Variants in TM9SF2 observed in about 807,000 individuals in gnomAD.
TM9SF2 encodes transmembrane 9 superfamily member 2.
TM9SF2 carries 13 observed loss-of-function variants against 84.9 expected under a neutral mutation model. The observed-to-expected ratio is 0.15, with a 90% CI of 0.10 to 0.24. The LOEUF is 0.24. TM9SF2 is among the 10% of genes least tolerant of loss of function. The probability of loss-of-function intolerance (pLI) is 1.00; values close to 1 mark genes in which losing one functional copy is unlikely to be tolerated. For missense variants in TM9SF2, 562 were observed against 818.5 expected, an observed-to-expected ratio of 0.69 and a Z score of 3.82; for synonymous variants, 273 against 285.8, an observed-to-expected ratio of 0.96 and a Z score of 0.45.
At chr13:99,557,531 G>T (rs76335594) in intron 15 of TM9SF2, among the ~76,000 whole-genome samples, 3,767 of 152,110 alleles carry the variant, frequency 0.025, 162 homozygotes, top group African/African-American at 0.086. Flanking sequence ...GAGGTCAAAT[G>T]TATCTGTTTT....
At chr13:99,541,811 G>A (rs1467941881) in intron 9 of TM9SF2, 144 bp downstream of exon 9, 2 of 525,178 alleles carry the variant, frequency 3.8e-6, no homozygotes, top group African/African-American at 4.0e-5. Flanking sequence ...CTTCTCAAAA[G>A]TTATCTTGAA....
rs377511474 is a variant in TM9SF2, at chr13:99,520,055, T to A, written c.259T>A (p.Ser87Thr). The part of the protein sequence containing the change: ...EYTAFDFCQA[S>T]EGKRPSENLG... ...TCCCAGGTTTGATTTTTGCCAAGCA[T>A]CAGAAGGAAAGCGCCCATCTGAAAA... Residue 87 changes from serine to threonine, a missense_variant, in exon 3 of 17, where the codon TCA becomes ACA. This residue lies in a region of TM9SF2 where 267 missense variants were observed against 316.7 expected (regional missense o/e 0.84). Transcript: ENST00000376387. The A allele has an allele frequency of 6.2e-7, 1 of 1,613,626 alleles. No homozygotes were observed. The highest frequency in any genetic ancestry group is 1.3e-5 in the African/African-American group (1 of 74,904).
At chr13:99,546,920 CTA>C in intron 10 of TM9SF2, 63 bp from the exon 11 acceptor site, 1 of 1,596,146 alleles carries the variant, frequency 6.3e-7, no homozygotes, top group South Asian at 1.1e-5. Context: ...GAGGGTTTCT[CTA>C]TCATTTCACA....
chr13:99,527,861 G>A (rs946678711), intron 3 of TM9SF2, among the ~76,000 whole-genome samples: 5 of 152,174 alleles, frequency 3.3e-5, no homozygotes, highest in East Asian at 3.8e-4. Context: ...CAGTTACTGC[G>A]CCCATTTTAC....
chr13:99,501,543 C>T lies in TM9SF2; in HGVS notation c.-64C>T, dbSNP rs2046065055. ...GGCGGCCTTGTAGTCGTCTCCGAGA[C>T]TCCCCACCCCTCCTTCCCTCTTGAC... On this transcript the variant is annotated 5_prime_UTR_variant, in exon 1 of 17. Coordinates refer to ENST00000376387, the MANE Select transcript of TM9SF2 (RefSeq NM_004800.3). 6.4e-7 allele frequency: 1 copy of T among 1,557,976 alleles called. No homozygotes were observed. Among genetic ancestry groups the T allele is most frequent in the Non-Finnish European group, 8.7e-7 (1 of 1,151,208 alleles).
chr13:99,546,500 T>C lies in TM9SF2; in HGVS notation c.1151-485T>C, dbSNP rs2046283185. 2.6e-5 allele frequency among the ~76,000 whole-genome samples: 4 copies of C among 152,122 alleles called. No homozygotes were observed. The South Asian group carries it at 8.3e-4, about 31-fold the overall frequency. The stretch of plus-strand genomic sequence containing the variant: ...AAAGCTAATGGCCGTATGAAATCTT[T>C]CTCCCTCATTTTGTTCTTTCATTAG... On this transcript the variant is annotated intron_variant, in intron 10 of 16. Transcript: ENST00000376387.
At chr13:99,507,154 T>C (rs2046092131) in intron 1 of TM9SF2, among the ~76,000 whole-genome samples, 1 of 152,214 alleles carries the variant, frequency 6.6e-6, no homozygotes, top group Non-Finnish European at 1.5e-5. Flanking sequence ...TAAGATTTAG[T>C]AGCTGTCTCA....
intron 3 of TM9SF2, among the ~76,000 whole-genome samples, chr13:99,523,957 G>A (rs1398757867): frequency 6.6e-6 from 1 of 152,102 alleles, no homozygotes; most frequent in East Asian, 1.9e-4. Flanking sequence ...AGCAAGTAAG[G>A]GAGTGAGCCA....
intron 16 of TM9SF2, among the ~76,000 whole-genome samples, chr13:99,560,902 C>T (rs2046342209): frequency 3.3e-5 from 5 of 152,118 alleles, no homozygotes; most frequent in Middle Eastern, 3.2e-3. Context: ...AGGATGGTCT[C>T]GAACCCCTGA....
rs1440665165 is a variant in TM9SF2 at position 99,524,506 on chromosome 13, T to C, written c.333+4377T>C. On this transcript the variant is annotated intron_variant, in intron 3 of 16. Coordinates refer to ENST00000376387, the MANE Select transcript of TM9SF2 (RefSeq NM_004800.3). Reference sequence around the variant, plus strand: ...TTATTAGGTGTCCAAGCAGAGATGCTGAATAAACAGCCAAATATATGCTTT... The same window carrying C: ...TTATTAGGTGTCCAAGCAGAGATGCCGAATAAACAGCCAAATATATGCTTT... Among the ~76,000 whole-genome samples, 4 of 151,964 alleles carry C rather than the reference T, an allele frequency of 2.6e-5. No homozygotes were observed. In the East Asian group the frequency reaches 7.8e-4, roughly 30 times the overall value.
At chr13:99,552,958 T>C (rs2046312015) in intron 13 of TM9SF2, among the ~76,000 whole-genome samples, 1 of 152,234 alleles carries the variant, frequency 6.6e-6, no homozygotes, top group Non-Finnish European at 1.5e-5. Flanking sequence ...GGTTGATATG[T>C]AGCTTTGAAA....
In TM9SF2 at chr13:99,552,002, T is replaced by C. The variant is rs148790560; in HGVS notation, c.1329-165T>C. Among the ~76,000 whole-genome samples, 182 of 152,272 alleles carry C rather than the reference T, an allele frequency of 1.2e-3. 2 individuals carry two copies. The highest frequency in any genetic ancestry group is 4.1e-3 in the African/African-American group (169 of 41,558). On this transcript the variant is annotated intron_variant, in intron 12 of 16. Transcript: ENST00000376387. Reference sequence around the variant, plus strand: ...CAGGCAAACCCAATCTGAAGAGCAATTGGGTAGTTTCTAGTCAAGTTTTAC... The same window carrying C: ...CAGGCAAACCCAATCTGAAGAGCAACTGGGTAGTTTCTAGTCAAGTTTTAC...
intron 4 of TM9SF2, among the ~76,000 whole-genome samples, chr13:99,532,120 C>T (rs543871502): frequency 2.8e-4 from 43 of 151,452 alleles, no homozygotes; most frequent in African/African-American, 5.8e-4. Context: ...GGCGCAATCT[C>T]GGCTCACTGC....
intron 9 of TM9SF2, among the ~76,000 whole-genome samples, chr13:99,541,952 C>G (rs997615792): frequency 6.6e-6 from 1 of 152,058 alleles, no homozygotes; most frequent in African/African-American, 2.4e-5. Flanking sequence ...GAGTTCAAGA[C>G]CAGCCTGACC....
At chr13:99,520,887 T>C (rs2046157109) in intron 3 of TM9SF2, among the ~76,000 whole-genome samples, 2 of 152,224 alleles carry the variant, frequency 1.3e-5, no homozygotes, top group African/African-American at 4.8e-5. Flanking sequence ...TCTATTTTGA[T>C]GTATTTGGAA....
intron 3 of TM9SF2, among the ~76,000 whole-genome samples, chr13:99,524,383 G>A (rs1215560666): frequency 6.6e-6 from 1 of 152,110 alleles, no homozygotes; most frequent in African/African-American, 2.4e-5. Flanking sequence ...GGGATGTGGA[G>A]TGTGGAGTTT....
chr13:99,544,665 C>G (rs1421222072), intron 10 of TM9SF2, among the ~76,000 whole-genome samples: 1 of 152,064 alleles, frequency 6.6e-6, no homozygotes, highest in Non-Finnish European at 1.5e-5. Context: ...TTGGCTTCCA[C>G]GGAGGGAGGA....
intron 6 of TM9SF2, among the ~76,000 whole-genome samples, chr13:99,538,464 A>C (rs2046244052): frequency 6.6e-6 from 1 of 151,916 alleles, no homozygotes; most frequent in East Asian, 1.9e-4. Context: ...CCATAATAAG[A>C]TGGCAGTTAA....
At chr13:99,534,937 C>T (rs1041638464) in intron 4 of TM9SF2, among the ~76,000 whole-genome samples, 1 of 152,096 alleles carries the variant, frequency 6.6e-6, no homozygotes, top group Non-Finnish European at 1.5e-5. Flanking sequence ...ACCACTTGAG[C>T]CCAGGAGTTT....
Sources: gnomAD v4.1 joint callset for allele counts (sites outside exome capture counted in the v4.1 genomes callset) on GRCh38, gnomAD v4.1.1 for gene constraint, gnomAD v4.1.1 regional missense constraint, MANE v1.5 for transcripts, NCBI Gene and HGNC (gene_info 2026-07-23, HGNC 2026-07-21) for gene names.